Variants in ZNF527 observed in about 807,000 individuals in gnomAD.
ZNF527 encodes zinc finger protein 527.
Under a neutral mutation model 13.5 loss-of-function variants are expected in ZNF527, and 5 were observed. That is an observed-to-expected ratio of 0.37 (90% CI 0.19 to 0.78). The LOEUF (loss-of-function observed/expected upper bound fraction) is 0.78, where lower values mean the gene tolerates loss of function less well. ZNF527 is among the 30% of genes least tolerant of loss of function. The pLI is 0.48. For synonymous variants in ZNF527, 209 were observed against 243.1 expected, an observed-to-expected ratio of 0.86 and a Z score of 1.30; for missense variants, 628 against 726.4, an observed-to-expected ratio of 0.86 and a Z score of 1.56.
chr19:37,383,363 G>A (rs1600268720), intron 4 of ZNF527, among the ~76,000 whole-genome samples: 1 of 151,868 alleles, frequency 6.6e-6, no homozygotes, highest in East Asian at 1.9e-4. Context: ...AGCCTCCCGA[G>A]TAGCTGGGAT....
chr19:37,391,213 T>C lies in ZNF527; in HGVS notation c.*1334T>C, dbSNP rs1248513090. On this transcript the variant is annotated 3_prime_UTR_variant, in exon 5 of 5. Coordinates refer to ENST00000436120, the MANE Select transcript of ZNF527 (RefSeq NM_032453.2). ...TCTTCTTTCAGTATGGGTCTAAACA[T>C]ATTCTGTGGCAGAATATAATAACAA... 6.6e-6 allele frequency: 1 copy of C among 152,208 alleles called. No homozygotes were observed. Among genetic ancestry groups the C allele is most frequent in the African/African-American group, 2.4e-5 (1 of 41,444 alleles). 9.4% of individuals were successfully genotyped at this position (152,208 alleles called of 1,614,324 possible).
At chr19:37,376,232 C>T (rs575133884) in intron 2 of ZNF527, among the ~76,000 whole-genome samples, 2 of 152,112 alleles carry the variant, frequency 1.3e-5, no homozygotes, top group Non-Finnish European at 2.9e-5. Context: ...TGCCTATAGT[C>T]CCAGCTGCTT....
rs762014081 is a variant in ZNF527 at position 37,389,176 on chromosome 19, A to C, written c.1127A>C (p.His376Pro). Residue 376 changes from histidine (H) to proline (P), a missense_variant, in exon 5 of 5, where the codon CAT becomes CCT. Coordinates refer to ENST00000436120, the MANE Select transcript of ZNF527 (RefSeq NM_032453.2). The stretch of plus-strand genomic sequence containing the variant: ...AGCCGTTATGCCTTCCTTGTTGAAC[A>C]TCAGAGAATTCACACAGGTGAGAAA... ...AFSRYAFLVE[H>P]QRIHTGEKPY... The C allele has an allele frequency of 6.2e-7, 1 of 1,614,086 alleles. No individual in the cohort carries two copies.
chr19:37,382,856 G>A (rs749836726), intron 4 of ZNF527, among the ~76,000 whole-genome samples: 18 of 151,988 alleles, frequency 1.2e-4, no homozygotes, highest in Middle Eastern at 6.8e-3. Flanking sequence ...ACAGGCGCAT[G>A]CCACCACGCC....
At position 37,390,083 on chromosome 19, in the gene ZNF527, C is replaced by T. The variant is rs913258647; in HGVS notation, c.*204C>T. On this transcript the variant is annotated 3_prime_UTR_variant, in exon 5 of 5. Coordinates refer to ENST00000436120, the MANE Select transcript of ZNF527 (RefSeq NM_032453.2). ...TCGCTCTGTTGCCCAGGCTGGAGTG[C>T]AGTGGTGTAATCTTGGCTCACTGCA... The T allele has an allele frequency of 1.7e-5, 9 of 534,254 alleles. No homozygotes were observed. The highest frequency in any genetic ancestry group is 2.4e-5 in the Non-Finnish European group (8 of 330,926). The allele number at this position is 534,254 out of a possible 1,614,324, so 33.1% of individuals were successfully genotyped here. A position where few individuals can be genotyped will look rare whatever the true frequency, so the allele number is the denominator to read the frequency against.
chr19:37,380,445 T>G, intron 4 of ZNF527, 73 bp downstream of exon 4: 1 of 1,308,766 alleles, frequency 7.6e-7, no homozygotes, highest in Non-Finnish European at 1.1e-6. Context: ...GAAACTGTTT[T>G]GAGCTTCAGG....
chr19:37,382,993 C>T (rs2040667028), intron 4 of ZNF527, among the ~76,000 whole-genome samples: 1 of 152,056 alleles, frequency 6.6e-6, no homozygotes, highest in South Asian at 2.1e-4. Flanking sequence ...AGTTATGAGC[C>T]ACCATGCCCG....
At chr19:37,384,355 T>C (rs1406371242) in intron 4 of ZNF527, among the ~76,000 whole-genome samples, 1 of 151,912 alleles carries the variant, frequency 6.6e-6, no homozygotes, top group Non-Finnish European at 1.5e-5. Context: ...TAAATTAGCC[T>C]GACATGGTGC....
chr19:37,389,532 G>GA lies in ZNF527; in HGVS notation c.1484dup (p.Arg496GlufsTer4). 1 of 1,614,172 alleles carries GA rather than the reference G, an allele frequency of 6.2e-7. No individual in the cohort carries two copies. Among genetic ancestry groups the GA allele is most frequent in the Non-Finnish European group, 8.5e-7 (1 of 1,180,034 alleles). On this transcript the variant is annotated frameshift_variant, in exon 5 of 5. Transcript: ENST00000436120. LOFTEE classifies it low-confidence loss of function (END_TRUNC). ...TCGACATCATAGAATTCACACTGGA[G>GA]AGAGACCATTTGAATGCAGTAAATG...
At chr19:37,380,757 A>G (rs1600267003) in intron 4 of ZNF527, among the ~76,000 whole-genome samples, 1 of 152,214 alleles carries the variant, frequency 6.6e-6, no homozygotes, top group East Asian at 1.9e-4. Context: ...AAAAAACGCA[A>G]TTACCTTTGC....
At chr19:37,378,003 A>C (rs1033448894) in intron 2 of ZNF527, among the ~76,000 whole-genome samples, 14 of 151,688 alleles carry the variant, frequency 9.2e-5, no homozygotes, top group Non-Finnish European at 1.3e-4. Flanking sequence ...TAATTCCACT[A>C]TGTAGAATAA....
Position 37,375,311 on chromosome 19 carries a change from T to TTTCTTTCTTTCC in ZNF527, c.33+1082_33+1083insCTTTCTTTCCTT, listed in dbSNP as rs760003304. Among the ~76,000 whole-genome samples, 117 of 79,838 alleles carry TTTCTTTCTTTCC rather than the reference T, an allele frequency of 1.5e-3. 1 individual carries two copies. The highest frequency in any genetic ancestry group is 4.8e-3 in the East Asian group (13 of 2,706). 52.4% of individuals were successfully genotyped at this position (79,838 alleles called of 152,430 possible). On this transcript the variant is annotated intron_variant, in intron 2 of 4. Coordinates refer to ENST00000436120, the MANE Select transcript of ZNF527 (RefSeq NM_032453.2). ...CTTTCTTTCTTTCTTTCTTTCTTTC[T>TTTCTTTCTTTCC]TTTCTTTCTTTCTTTCTTTCTTTCT... is the stretch of plus-strand genomic sequence containing the variant.
chr19:37,389,638 A>G lies in ZNF527; in HGVS notation c.1589A>G (p.Lys530Arg), dbSNP rs2040734674. Residue 530 changes from lysine (K) to arginine (R), a missense_variant, in exon 5 of 5, where the codon AAA becomes AGA. Physicochemically the swap from Lys to Arg is conservative, Grantham distance 26. Around this residue, in one of 3 missense-constraint regions of ZNF527, gnomAD observed 592 missense variants for 678.0 expected, o/e 0.87. Transcript: ENST00000436120. The stretch of plus-strand genomic sequence containing the variant: ...GGAGAGAAACCCTATGAATGTAACA[A>G]ATGTGGAAAGGCCTTCAGTTGTGGC... The part of the protein sequence containing the change: ...HAGEKPYECN[K>R]CGKAFSCGSY... The G allele has an allele frequency of 1.9e-6, 3 of 1,614,158 alleles. No homozygotes were observed. Among genetic ancestry groups the G allele is most frequent in the Non-Finnish European group, 2.5e-6 (3 of 1,180,032 alleles).
intron 1 of ZNF527, among the ~76,000 whole-genome samples, chr19:37,372,063 G>C (rs1435036897): frequency 6.7e-6 from 1 of 150,276 alleles, no homozygotes; most frequent in African/African-American, 2.5e-5. Flanking sequence ...GCAATGATGC[G>C]ATCTCGGCTC....
intron 1 of ZNF527, among the ~76,000 whole-genome samples, chr19:37,373,262 T>C (rs1481989792): frequency 6.6e-6 from 1 of 152,200 alleles, no homozygotes; most frequent in African/African-American, 2.4e-5. Flanking sequence ...TGCCACCGAT[T>C]GTGTAAATGT....
intron 4 of ZNF527, chr19:37,385,466 A>G: frequency 2.5e-6 from 1 of 397,736 alleles, no homozygotes; most frequent in Admixed American, 4.4e-5. Flanking sequence ...GAGTTCTTTC[A>G]CAGAGATTTT....
rs889846622 is a variant in ZNF527 at position 37,390,861 on chromosome 19, C to T, written c.*982C>T. 31 of 152,128 alleles carry T rather than the reference C, an allele frequency of 2.0e-4. No individual in the cohort carries two copies. The highest frequency in any genetic ancestry group is 6.5e-4 in the African/African-American group (27 of 41,416). The allele number at this position is 152,128 out of a possible 1,614,324, so 9.4% of individuals were successfully genotyped here. On this transcript the variant is annotated 3_prime_UTR_variant, in exon 5 of 5. Coordinates refer to ENST00000436120, the MANE Select transcript of ZNF527 (RefSeq NM_032453.2). The stretch of plus-strand genomic sequence containing the variant: ...CATAAAAGAAAGCCTTAATTTTTTA[C>T]GTGGCATAATTATTTATCCTGAGGA...
intron 2 of ZNF527, among the ~76,000 whole-genome samples, chr19:37,375,314 T>TTTCTTTCTTTCTTTC (rs1568691551): frequency 1.0e-5 from 1 of 97,686 alleles, no homozygotes; most frequent in Non-Finnish European, 2.2e-5. Flanking sequence ...TTCTTTCTTT[T>TTTCTTTCTTTCTTTC]CTTTCTTTCT....
At chr19:37,385,301 C>A (rs1257373180) in intron 4 of ZNF527, 7 of 427,630 alleles carry the variant, frequency 1.6e-5, no homozygotes, top group Non-Finnish European at 2.9e-5. Flanking sequence ...TTCCTTTCAA[C>A]CAGATGTCGT....
Sources: gnomAD v4.1 joint callset for allele counts (sites outside exome capture counted in the v4.1 genomes callset) on GRCh38, gnomAD v4.1.1 for gene constraint, gnomAD v4.1.1 regional missense constraint, MANE v1.5 for transcripts, NCBI Gene and HGNC (gene_info 2026-07-23, HGNC 2026-07-21) for gene names.